DPP10: variants seen among roughly 807,000 people sequenced by gnomAD.
DPP10 encodes dipeptidyl peptidase like 10.
DPP10 carries 33 observed loss-of-function variants against 120.9 expected under a neutral mutation model. That is an observed-to-expected ratio of 0.27 (90% CI 0.21 to 0.37). DPP10 has a LOEUF of 0.37. Ranked by LOEUF, DPP10 falls within the 10% of genes least tolerant of loss-of-function variation. The pLI, the probability that DPP10 is intolerant of heterozygous loss-of-function variation, is 1.00. For synonymous variants in DPP10, 337 were observed against 326.1 expected, an observed-to-expected ratio of 1.03 and a Z score of -0.36; for missense variants, 816 against 942.8, an observed-to-expected ratio of 0.87 and a Z score of 1.76.
At chr2:114,931,321 C>G (rs894918072) in intron 1 of DPP10, among the ~76,000 whole-genome samples, 15 of 152,308 alleles carry the variant, frequency 9.8e-5, no homozygotes, top group Non-Finnish European at 1.5e-4. Context: ...GCATCTGCAT[C>G]TGGGGAGGGC....
At chr2:115,793,098 G>T (rs1438016361) in intron 19 of DPP10, among the ~76,000 whole-genome samples, 1 of 152,074 alleles carries the variant, frequency 6.6e-6, no homozygotes, top group Non-Finnish European at 1.5e-5. Flanking sequence ...TTGATTTTTA[G>T]TTTATAAGAG....
chr2:114,574,287 C>T lies in DPP10; in HGVS notation c.60+131449C>T, dbSNP rs115683032. On this transcript the variant is annotated intron_variant, in intron 1 of 25. Transcript: ENST00000410059. ...CCTCCCATTCAAAGTTCCCCTGGGA[C>T]CCCCTATGGAAAGAAATAGGAAGAG... Among the ~76,000 whole-genome samples, 1,480 of 152,168 alleles carry T rather than the reference C, an allele frequency of 9.7e-3. 26 individuals carry two copies. Among genetic ancestry groups the T allele is most frequent in the African/African-American group, 0.033 (1,377 of 41,524 alleles).
chr2:114,834,333 A>G (rs574153241), intron 1 of DPP10, among the ~76,000 whole-genome samples: 22 of 151,696 alleles, frequency 1.5e-4, no homozygotes, highest in African/African-American at 5.1e-4. Context: ...CTACACACCT[A>G]TGTATATAAA....
At chr2:114,879,079 A>G (rs1427991244) in intron 1 of DPP10, among the ~76,000 whole-genome samples, 5 of 151,834 alleles carry the variant, frequency 3.3e-5, no homozygotes, top group Non-Finnish European at 7.4e-5. Flanking sequence ...TGACTTATTT[A>G]TATCCTTTGG....
At chr2:114,928,323 C>A (rs185287614) in intron 1 of DPP10, among the ~76,000 whole-genome samples, 4 of 152,252 alleles carry the variant, frequency 2.6e-5, no homozygotes, top group Admixed American at 2.0e-4. Context: ...ATTGTACAGG[C>A]ATTAGGTAAA....
At chr2:115,430,337 T>C (rs770211240) in intron 3 of DPP10, among the ~76,000 whole-genome samples, 2 of 152,166 alleles carry the variant, frequency 1.3e-5, no homozygotes, top group African/African-American at 2.4e-5. Context: ...TTAATTCTTA[T>C]TCAATAATTA....
intron 1 of DPP10, among the ~76,000 whole-genome samples, chr2:114,557,000 CTT>C (rs59230198): frequency 0.3 from 41,349 of 138,394 alleles, 6,334 homozygotes; most frequent in Non-Finnish European, 0.34. Flanking sequence ...GCAAAGACAG[CTT>C]TTTTTTTTTT....
chr2:115,329,937 C>T (rs1574445050), intron 2 of DPP10, among the ~76,000 whole-genome samples: 1 of 152,058 alleles, frequency 6.6e-6, no homozygotes, highest in African/African-American at 2.4e-5. Flanking sequence ...ATTTATAATC[C>T]TTTGGGTATG....
At chr2:115,019,207 CA>C (rs2105160906) in intron 1 of DPP10, among the ~76,000 whole-genome samples, 1 of 151,704 alleles carries the variant, frequency 6.6e-6, no homozygotes, top group Non-Finnish European at 1.5e-5. Context: ...TGATTTTTTT[CA>C]AAAAAGTCAG....
intron 1 of DPP10, among the ~76,000 whole-genome samples, chr2:114,448,488 C>T (rs1010673186): frequency 6.6e-6 from 1 of 152,138 alleles, no homozygotes; most frequent in Admixed American, 6.6e-5. Context: ...TATCAAAGTG[C>T]TGTCCCTAGA....
chr2:115,709,382 A>G (rs766089299), intron 7 of DPP10, among the ~76,000 whole-genome samples: 7 of 152,144 alleles, frequency 4.6e-5, no homozygotes, highest in Non-Finnish European at 7.4e-5. Flanking sequence ...AACTTCAACT[A>G]TAAATGACAG....
At chr2:114,560,841 C>T (rs922612557) in intron 1 of DPP10, among the ~76,000 whole-genome samples, 1 of 152,176 alleles carries the variant, frequency 6.6e-6, no homozygotes, top group African/African-American at 2.4e-5. Flanking sequence ...ATAAATGGGT[C>T]CACAAGCGTA....
chr2:114,866,942 A>G (rs1690287264), intron 1 of DPP10, among the ~76,000 whole-genome samples: 1 of 152,196 alleles, frequency 6.6e-6, no homozygotes, highest in African/African-American at 2.4e-5. Flanking sequence ...GTTAAGATTC[A>G]GTTTGAGCAG....
intron 2 of DPP10, among the ~76,000 whole-genome samples, chr2:115,311,868 C>T (rs1400601114): frequency 2.0e-5 from 3 of 152,002 alleles, no homozygotes; most frequent in African/African-American, 7.2e-5. Flanking sequence ...CGGGCTCAAG[C>T]GATCCTCCCA....
intron 1 of DPP10, among the ~76,000 whole-genome samples, chr2:114,891,205 T>C (rs1400350325): frequency 3.3e-5 from 5 of 152,126 alleles, no homozygotes; most frequent in Non-Finnish European, 5.9e-5. Context: ...GCCATATAAC[T>C]GTGTAATTGC....
chr2:115,051,375 TA>T (rs35972290), intron 1 of DPP10, among the ~76,000 whole-genome samples: 49,848 of 149,946 alleles, frequency 0.33, 8,421 homozygotes, highest in East Asian at 0.49. Flanking sequence ...TTTAAGGTAC[TA>T]AAAAAAAAAA....
intron 1 of DPP10, among the ~76,000 whole-genome samples, chr2:115,225,400 C>A (rs776106941): frequency 3.5e-4 from 53 of 152,136 alleles, no homozygotes; most frequent in Admixed American, 3.4e-3. Context: ...AGATAGGCAG[C>A]ACTGAACAAA....
At chr2:114,452,508 G>A (rs976396552) in intron 1 of DPP10, among the ~76,000 whole-genome samples, 8 of 152,072 alleles carry the variant, frequency 5.3e-5, no homozygotes, top group African/African-American at 1.7e-4. Context: ...TTGCAGACAA[G>A]AAAGCCAAGG....
chr2:114,463,123 G>A (rs930536220), intron 1 of DPP10, among the ~76,000 whole-genome samples: 3 of 152,036 alleles, frequency 2.0e-5, no homozygotes, highest in Non-Finnish European at 2.9e-5. Context: ...GGGATTCATC[G>A]CTTCTAGGCC....
Sources: gnomAD v4.1 joint callset for allele counts (sites outside exome capture counted in the v4.1 genomes callset) on GRCh38, gnomAD v4.1.1 for gene constraint, MANE v1.5 for transcripts, NCBI Gene and HGNC (gene_info 2026-07-23, HGNC 2026-07-21) for gene names.